Variants in SMURF1 observed in about 807,000 individuals in gnomAD.
SMURF1 encodes the protein E3 ubiquitin-protein ligase SMURF1.
Under a neutral mutation model 98.0 loss-of-function variants are expected in SMURF1, and 44 were observed. That is an observed-to-expected ratio of 0.45 (90% CI 0.35 to 0.58). The LOEUF (loss-of-function observed/expected upper bound fraction) is 0.58. Ranked by LOEUF, SMURF1 falls within the 20% of genes least tolerant of loss-of-function variation. The probability of loss-of-function intolerance (pLI) is 0.00; values close to 1 mark genes in which losing one functional copy is unlikely to be tolerated. For synonymous variants in SMURF1, 396 were observed against 374.9 expected, an observed-to-expected ratio of 1.06 and a Z score of -0.65; for missense variants, 687 against 938.4, an observed-to-expected ratio of 0.73 and a Z score of 3.50.
At chr7:99,141,088 C>T (rs552573470) in intron 1 of SMURF1, among the ~76,000 whole-genome samples, 1 of 152,332 alleles carries the variant, frequency 6.6e-6, no homozygotes, top group South Asian at 2.1e-4. Context: ...ATAACATCTA[C>T]TGAAAGGGAA....
At chr7:99,095,474 T>G (rs984416726) in intron 1 of SMURF1, among the ~76,000 whole-genome samples, 15 of 152,166 alleles carry the variant, frequency 9.9e-5, no homozygotes, top group Non-Finnish European at 1.8e-4. Context: ...AGGTAGCAAT[T>G]ATGGTTTTTG....
intron 15 of SMURF1, 55 bp from the exon 16 acceptor site, chr7:99,035,771 A>T: frequency 6.4e-7 from 1 of 1,554,398 alleles, no homozygotes; most frequent in Non-Finnish European, 8.8e-7. Flanking sequence ...CCACGTCAGG[A>T]TGCGCCTCCT....
At chr7:99,060,517 TTTTC>T in intron 3 of SMURF1, 78 bp downstream of exon 3, 1 of 856,126 alleles carries the variant, frequency 1.2e-6, no homozygotes, top group East Asian at 2.9e-5. Flanking sequence ...CTTTTTTTTT[TTTTC>T]TCTTGGATGT....
At chr7:99,047,081 G>T (rs1446798508) in intron 10 of SMURF1, among the ~76,000 whole-genome samples, 1 of 152,226 alleles carries the variant, frequency 6.6e-6, no homozygotes, top group Non-Finnish European at 1.5e-5. Flanking sequence ...TGTATGGTCA[G>T]CTTTCTTGGG....
chr7:99,072,768 T>G (rs1214313278), intron 1 of SMURF1, among the ~76,000 whole-genome samples: 3 of 152,212 alleles, frequency 2.0e-5, no homozygotes, highest in African/African-American at 7.2e-5. Context: ...ACAAAGTGCC[T>G]TATAATTTCT....
At chr7:99,060,327 T>C (rs959516745) in intron 3 of SMURF1, among the ~76,000 whole-genome samples, 5 of 139,876 alleles carry the variant, frequency 3.6e-5, no homozygotes, top group Middle Eastern at 3.5e-3. Flanking sequence ...TGCAGTGAGC[T>C]GAGATCACGC....
At chr7:99,061,677 G>A in intron 2 of SMURF1, 122 bp downstream of exon 2, 1 of 618,778 alleles carries the variant, frequency 1.6e-6, no homozygotes, top group Non-Finnish European at 2.7e-6. Flanking sequence ...GGAGAACCAT[G>A]GATTTCTATT....
chr7:99,041,137 C>CA (rs1300648713), intron 12 of SMURF1, among the ~76,000 whole-genome samples: 3 of 152,224 alleles, frequency 2.0e-5, no homozygotes, highest in African/African-American at 7.2e-5. Context: ...CATGGTTGCT[C>CA]ACGCCTGTAA....
chr7:99,056,582 C>A (rs1795881640), intron 5 of SMURF1, among the ~76,000 whole-genome samples: 1 of 152,204 alleles, frequency 6.6e-6, no homozygotes, highest in Non-Finnish European at 1.5e-5. Context: ...GGCCACCATT[C>A]TTATTATCTA....
chr7:99,111,930 G>A (rs1288327568), intron 1 of SMURF1, among the ~76,000 whole-genome samples: 3 of 152,192 alleles, frequency 2.0e-5, no homozygotes, highest in Non-Finnish European at 4.4e-5. Context: ...AGAAGTGTGG[G>A]AGTGGTAGAG....
intron 14 of SMURF1, among the ~76,000 whole-genome samples, chr7:99,037,603 G>A (rs1795196172): frequency 6.6e-6 from 1 of 152,166 alleles, no homozygotes; most frequent in Non-Finnish European, 1.5e-5. Context: ...CCACTCCCCG[G>A]ATCTCTCCAA....
rs185728950 is a variant in SMURF1, at chr7:99,071,020, A to C, written c.56-9183T>G. ...AGGGAGAAATAAAGTAATAAAGTACATGTCAAAAAACAAGTACTAAAGTCC... is the reference window on the plus strand; with the variant it reads ...AGGGAGAAATAAAGTAATAAAGTACCTGTCAAAAAACAAGTACTAAAGTCC... On this transcript the variant is annotated intron_variant, in intron 1 of 17. Transcript: ENST00000361368. Among the ~76,000 whole-genome samples, 2 of 151,988 alleles carry C rather than the reference A, an allele frequency of 1.3e-5. 1 individual carries two copies. The highest frequency in any genetic ancestry group is 1.3e-4 in the Admixed American group (2 of 15,250).
intron 1 of SMURF1, among the ~76,000 whole-genome samples, chr7:99,114,675 G>A (rs1473987016): frequency 6.6e-6 from 1 of 152,106 alleles, no homozygotes; most frequent in Admixed American, 6.5e-5. Flanking sequence ...ACATATACAG[G>A]ACAGTTTACC....
chr7:99,032,823 C>T (rs989053439), intron 17 of SMURF1: 18 of 718,932 alleles, frequency 2.5e-5, no homozygotes, highest in East Asian at 1.2e-4. Context: ...GTCGTAATGT[C>T]GGGGGGAAAG....
chr7:99,047,980 C>T, intron 9 of SMURF1, 98 bp from the exon 10 acceptor site: 1 of 1,099,048 alleles, frequency 9.1e-7, no homozygotes, highest in African/African-American at 1.5e-5. Context: ...GAGCTAGCTG[C>T]ACACAACTTC....
In SMURF1 at chr7:99,054,773, G is replaced by C; in HGVS notation, c.479+17C>G. The C allele has an allele frequency of 6.2e-7, 1 of 1,613,100 alleles. No individual in the cohort carries two copies. Among genetic ancestry groups the C allele is most frequent in the Non-Finnish European group, 8.5e-7 (1 of 1,179,244 alleles). ...CAGCAGAGAACTCAGCCCGCCTCTT[G>C]CTGTGGTTATACGTACCCTTCATTT... On this transcript the variant is annotated intron_variant, in intron 6 of 17. Coordinates refer to ENST00000361368, the MANE Select transcript of SMURF1 (RefSeq NM_181349.3).
chr7:99,048,652 C>T (rs1449516503), intron 9 of SMURF1: 1 of 152,028 alleles, frequency 6.6e-6, no homozygotes, highest in African/African-American at 2.4e-5. Flanking sequence ...TAATGAAAAC[C>T]ATCCCTCATT....
chr7:99,122,370 G>A (rs1351962796), intron 1 of SMURF1, among the ~76,000 whole-genome samples: 5 of 148,786 alleles, frequency 3.4e-5, no homozygotes, highest in South Asian at 2.1e-4. Flanking sequence ...AAGGCCGGGC[G>A]CAGTGGCTCA....
chr7:99,043,328 A>G (rs532650870), intron 11 of SMURF1, among the ~76,000 whole-genome samples: 2 of 152,310 alleles, frequency 1.3e-5, no homozygotes, highest in South Asian at 4.1e-4. Flanking sequence ...ACACACCTGC[A>G]CATGTGTAAT....
Sources: allele counts gnomAD v4.1 joint callset (sites outside exome capture counted in the v4.1 genomes callset), GRCh38; gene constraint gnomAD v4.1.1; transcripts MANE v1.5; gene names NCBI Gene and HGNC (gene_info 2026-07-23, HGNC 2026-07-21).